CDH18: variants seen among roughly 807,000 people sequenced by gnomAD.
The protein encoded by CDH18 is cadherin 18.
In CDH18, 31 loss-of-function variants were observed where a neutral mutation model predicts 67.9. The ratio of observed to expected loss-of-function variants is 0.46; its 90% confidence interval spans 0.34 to 0.62. The LOEUF is 0.62. CDH18 is among the 20% of genes least tolerant of loss of function. The pLI is 0.01. For missense variants in CDH18, 890 were observed against 975.5 expected, an observed-to-expected ratio of 0.91 and a Z score of 1.17; for synonymous variants, 362 against 347.2, an observed-to-expected ratio of 1.04 and a Z score of -0.48.
intron 5 of CDH18, among the ~76,000 whole-genome samples, chr5:19,634,447 A>G (rs1204155731): frequency 6.6e-6 from 1 of 152,200 alleles, no homozygotes; most frequent in Non-Finnish European, 1.5e-5. Context: ...AATGTGGGTC[A>G]TGAGTTCTCA....
intron 5 of CDH18, among the ~76,000 whole-genome samples, chr5:19,692,415 C>A (rs1762015296): frequency 6.6e-6 from 1 of 151,926 alleles, no homozygotes; most frequent in African/African-American, 2.4e-5. Flanking sequence ...TTCTGCTCAG[C>A]AGAATAAATA....
intron 1 of CDH18, among the ~76,000 whole-genome samples, chr5:20,541,497 T>G (rs1396343): frequency 0.4 from 60,075 of 151,914 alleles, 13,306 homozygotes; most frequent in East Asian, 0.56. Context: ...ACACACAAAA[T>G]TACTTTTAAA....
At chr5:20,246,610 T>G (rs1743398281) in intron 2 of CDH18, among the ~76,000 whole-genome samples, 1 of 149,402 alleles carries the variant, frequency 6.7e-6, no homozygotes, top group Non-Finnish European at 1.5e-5. Flanking sequence ...TATTAATAAT[T>G]AAGAAGAAAC....
At chr5:19,601,966 C>T (rs74495198) in intron 6 of CDH18, among the ~76,000 whole-genome samples, 2,338 of 151,988 alleles carry the variant, frequency 0.015, 59 homozygotes, top group African/African-American at 0.054. Context: ...ATAATAGAAG[C>T]CATATGTTAA....
At chr5:19,593,632 C>A in intron 6 of CDH18, among the ~76,000 whole-genome samples, 1 of 143,976 alleles carries the variant, frequency 6.9e-6, no homozygotes, top group Admixed American at 7.0e-5. Context: ...CTTCCTCCTC[C>A]TTCTCCTCCT....
chr5:20,099,604 A>C (rs1366756643), intron 2 of CDH18, among the ~76,000 whole-genome samples: 2 of 152,122 alleles, frequency 1.3e-5, no homozygotes, highest in Admixed American at 1.3e-4. Flanking sequence ...ATCAAGAAGA[A>C]TGATGGCCTC....
chr5:20,209,952 C>A (rs1740223973), intron 2 of CDH18, among the ~76,000 whole-genome samples: 1 of 151,140 alleles, frequency 6.6e-6, no homozygotes, highest in Non-Finnish European at 1.5e-5. Flanking sequence ...AAAATATTTT[C>A]ATATATCATA....
intron 9 of CDH18, among the ~76,000 whole-genome samples, chr5:19,525,167 C>A (rs1385954269): frequency 1.3e-5 from 2 of 152,146 alleles, no homozygotes; most frequent in Admixed American, 1.3e-4. Context: ...AATAAAAGAA[C>A]AAGCAAGCAG....
chr5:20,284,957 TAGAAATTA>T (rs1277624085), intron 1 of CDH18, among the ~76,000 whole-genome samples: 1 of 151,852 alleles, frequency 6.6e-6, no homozygotes, highest in Non-Finnish European at 1.5e-5. Flanking sequence ...AACTCTTACA[TAGAAATTA>T]AGAATAAGAA....
At chr5:20,114,051 T>C (rs1747692385) in intron 2 of CDH18, among the ~76,000 whole-genome samples, 2 of 152,236 alleles carry the variant, frequency 1.3e-5, no homozygotes, top group African/African-American at 4.8e-5. Flanking sequence ...GGGGTTTTCC[T>C]GTTAATTGTT....
At chr5:20,224,047 T>C (rs1229887211) in intron 2 of CDH18, among the ~76,000 whole-genome samples, 1 of 152,194 alleles carries the variant, frequency 6.6e-6, no homozygotes, top group Admixed American at 6.5e-5. Flanking sequence ...TATGAAGCAA[T>C]GCACATTTTC....
At chr5:20,077,981 G>A (rs998494313) in intron 2 of CDH18, among the ~76,000 whole-genome samples, 4 of 152,128 alleles carry the variant, frequency 2.6e-5, no homozygotes, top group Admixed American at 6.5e-5. Context: ...AAAACAGCAT[G>A]CTCATTAAAT....
chr5:19,768,115 T>C (rs1242062519), intron 3 of CDH18, among the ~76,000 whole-genome samples: 1 of 152,112 alleles, frequency 6.6e-6, no homozygotes, highest in Non-Finnish European at 1.5e-5. Flanking sequence ...CCTAAAATTC[T>C]AATTATGTGA....
chr5:19,841,930 G>T (rs927028144), intron 2 of CDH18, among the ~76,000 whole-genome samples: 4 of 152,074 alleles, frequency 2.6e-5, no homozygotes, highest in African/African-American at 4.8e-5. Context: ...TGGAATAAAA[G>T]AACAAATGTA....
chr5:19,501,695 A>T (rs1283380349), intron 11 of CDH18, among the ~76,000 whole-genome samples: 4 of 152,134 alleles, frequency 2.6e-5, no homozygotes, highest in Middle Eastern at 6.3e-3. Context: ...ATAAATTTTT[A>T]TTGGAATAGA....
At chr5:20,290,675 A>G (rs1747038249) in intron 1 of CDH18, among the ~76,000 whole-genome samples, 2 of 152,164 alleles carry the variant, frequency 1.3e-5, no homozygotes, top group Non-Finnish European at 2.9e-5. Flanking sequence ...CTTGATTCGG[A>G]AGACAGTCCA....
At position 20,573,806 on chromosome 5, in the gene CDH18, AATATATATATATAT is replaced by A. The variant is rs60858438; in HGVS notation, c.-580+1642_-580+1655del. ...TCCCCCAAATATAATACTTAAAAGA[AATATATATATATAT>A]ATATATATATATATATATATATATG... On this transcript the variant is annotated intron_variant, in intron 1 of 14. Transcript: ENST00000507958. Among the ~76,000 whole-genome samples the A allele has an allele frequency of 3.5e-3, 415 of 119,114 alleles. 11 individuals carry two copies. The East Asian group carries it at 0.045, about 13-fold the overall frequency. The allele number at this position is 119,114 out of a possible 152,430, so 78.1% of individuals were successfully genotyped here.
At chr5:19,673,390 G>C (rs2150357684) in intron 5 of CDH18, among the ~76,000 whole-genome samples, 1 of 152,094 alleles carries the variant, frequency 6.6e-6, no homozygotes. Context: ...GATAATGATA[G>C]TTTGGAAATG....
intron 6 of CDH18, 78 bp downstream of exon 6, chr5:19,612,356 T>C (rs1235176227): frequency 2.1e-6 from 3 of 1,405,066 alleles, no homozygotes; most frequent in Non-Finnish European, 3.0e-6. Flanking sequence ...AACAGTAACA[T>C]AACACTGTTC....
Sources: gnomAD v4.1 joint callset for allele counts (sites outside exome capture counted in the v4.1 genomes callset) on GRCh38, gnomAD v4.1.1 for gene constraint, MANE v1.5 for transcripts, NCBI Gene and HGNC (gene_info 2026-07-23, HGNC 2026-07-21) for gene names.